ARHGEF9: variants seen among roughly 807,000 people sequenced by gnomAD.
ARHGEF9 encodes the protein rho guanine nucleotide exchange factor 9.
ARHGEF9 carries 2 observed loss-of-function variants against 41.3 expected under a neutral mutation model. That is an observed-to-expected ratio of 0.05 (90% CI 0.02 to 0.15). ARHGEF9 has a LOEUF of 0.15. Ranked by LOEUF, ARHGEF9 falls within the 10% of genes least tolerant of loss-of-function variation. ARHGEF9 has a pLI of 1.00. For synonymous variants in ARHGEF9, 160 were observed against 154.4 expected (o/e 1.04, Z -0.27); for missense variants, 225 against 424.7 (o/e 0.53, Z 4.13).
chrX:63,764,936 C>A (rs1377064913), intron 1 of ARHGEF9, among the ~76,000 whole-genome samples: 1 of 111,256 alleles, frequency 9.0e-6, no homozygotes, highest in Non-Finnish European at 1.9e-5. Flanking sequence ...AACAAAGCTG[C>A]ACATCCTGCA....
intron 1 of ARHGEF9, among the ~76,000 whole-genome samples, chrX:63,751,801 A>G (rs2055652030): frequency 9.1e-6 from 1 of 110,345 alleles, no homozygotes; most frequent in East Asian, 2.9e-4. Flanking sequence ...CTTCATTCCT[A>G]CCACCACACC....
intron 4 of ARHGEF9, among the ~76,000 whole-genome samples, chrX:63,695,047 A>T (rs1466897956): frequency 7.1e-5 from 8 of 112,492 alleles, no homozygotes; most frequent in Non-Finnish European, 1.1e-4. Flanking sequence ...CTGCATTAAC[A>T]GATTAAAGGT....
At chrX:63,736,749 A>T (rs2054634544) in intron 1 of ARHGEF9, among the ~76,000 whole-genome samples, 2 of 112,121 alleles carry the variant, frequency 1.8e-5, no homozygotes, top group Non-Finnish European at 3.8e-5. Context: ...GAAATGACAG[A>T]TATGCTTCAC....
At chrX:63,755,165 C>T (rs2055886570) in intron 1 of ARHGEF9, 2 of 938,976 alleles carry the variant, frequency 2.1e-6, no homozygotes, top group East Asian at 8.3e-5. Context: ...CACCGAGCGA[C>T]TGCGGGCGCT....
chrX:63,723,869 T>C (rs2053792836), intron 2 of ARHGEF9, among the ~76,000 whole-genome samples: 1 of 112,296 alleles, frequency 8.9e-6, no homozygotes, highest in Admixed American at 9.4e-5. Flanking sequence ...TGGTACAATG[T>C]CAAAGAGGCA....
chrX:63,743,870 G>A (rs1556429995), intron 1 of ARHGEF9, among the ~76,000 whole-genome samples: 1 of 111,888 alleles, frequency 8.9e-6, no homozygotes, highest in Non-Finnish European at 1.9e-5. Context: ...GTGACTGCAT[G>A]GGAAATGGAG....
At chrX:63,677,716 T>G (rs1284568374) in intron 5 of ARHGEF9, among the ~76,000 whole-genome samples, 1 of 110,375 alleles carries the variant, frequency 9.1e-6, no homozygotes, top group Non-Finnish European at 1.9e-5. Context: ...GAAGCAGGAG[T>G]TCCAGTCACA....
At chrX:63,692,753 G>T (rs2051437989) in intron 4 of ARHGEF9, among the ~76,000 whole-genome samples, 1 of 111,956 alleles carries the variant, frequency 8.9e-6, no homozygotes, top group South Asian at 3.7e-4. Flanking sequence ...AGAGATATTT[G>T]CACTCCCTTG....
At chrX:63,776,796 T>C (rs1237643793) in intron 1 of ARHGEF9, among the ~76,000 whole-genome samples, 2 of 111,869 alleles carry the variant, frequency 1.8e-5, no homozygotes, top group African/African-American at 6.5e-5. Flanking sequence ...CTCCTACCTC[T>C]CACTTTCCCA....
At chrX:63,724,293 A>G (rs1405584288) in intron 2 of ARHGEF9, among the ~76,000 whole-genome samples, 6 of 111,808 alleles carry the variant, frequency 5.4e-5, no homozygotes, top group Non-Finnish European at 9.4e-5. Flanking sequence ...TGATTTGTAC[A>G]AAGGTGGGAG....
At chrX:63,653,085 T>C (rs1300910752) in intron 8 of ARHGEF9, among the ~76,000 whole-genome samples, 2 of 111,740 alleles carry the variant, frequency 1.8e-5, no homozygotes, top group East Asian at 5.6e-4. Context: ...CAGGTATTTA[T>C]AGCACTGTGA....
At chrX:63,703,017 C>T (rs2052289273) in intron 3 of ARHGEF9, among the ~76,000 whole-genome samples, 1 of 111,881 alleles carries the variant, frequency 8.9e-6, no homozygotes, top group Non-Finnish European at 1.9e-5. Flanking sequence ...TTCTGATAAA[C>T]CATTCGCTCC....
chrX:63,637,987 T>A lies in ARHGEF9; in HGVS notation c.*41A>T. 1 of 1,125,593 alleles carries A rather than the reference T, an allele frequency of 8.9e-7. No individual in the cohort carries two copies. Among genetic ancestry groups the A allele is most frequent in the Non-Finnish European group, 1.2e-6 (1 of 844,133 alleles). The allele number at this position is 1,125,593 out of a possible 1,213,427, so 92.8% of individuals were successfully genotyped here. ...AAAAGGTCCATCTATAAATATAATT[T>A]TATTTACTTTATTTTAAAATTATCT... On this transcript the variant is annotated 3_prime_UTR_variant, in exon 10 of 10. Coordinates refer to ENST00000671741, the MANE Select transcript of ARHGEF9 (RefSeq NM_001353921.2).
At chrX:63,641,118 G>A (rs1199424798) in intron 9 of ARHGEF9, 1 of 110,876 alleles carries the variant, frequency 9.0e-6, no homozygotes, top group Non-Finnish European at 1.9e-5. Context: ...TTGGGAGGAC[G>A]AGGCGAGGGG....
Position 63,721,590 on chromosome X carries a change from G to C in ARHGEF9, c.210+2942C>G, listed in dbSNP as rs2053636072. ...GGTTCATTTTGTGCACAGTGACAAAGGAAAAGAGCCTGAATGACTTGAAGT... is the reference window on the plus strand; with the variant it reads ...GGTTCATTTTGTGCACAGTGACAAACGAAAAGAGCCTGAATGACTTGAAGT... On this transcript the variant is annotated intron_variant, in intron 2 of 9. Transcript: ENST00000671741. Among the ~76,000 whole-genome samples, 4 of 110,515 alleles carry C rather than the reference G, an allele frequency of 3.6e-5. No individual in the cohort carries two copies. The South Asian group carries it at 1.6e-3, about 43-fold the overall frequency.
chrX:63,716,061 T>C (rs1362377561), intron 2 of ARHGEF9: 1 of 111,689 alleles, frequency 9.0e-6, no homozygotes, highest in African/African-American at 3.3e-5. Context: ...CTGAAGCAGG[T>C]GGATTGCTTG....
intron 1 of ARHGEF9, among the ~76,000 whole-genome samples, chrX:63,763,867 T>C (rs1218929820): frequency 5.4e-5 from 6 of 111,767 alleles, no homozygotes; most frequent in African/African-American, 1.6e-4. Flanking sequence ...GAGGGTGTGA[T>C]TATATGTGCC....
chrX:63,640,796 C>A (rs2047580636), intron 9 of ARHGEF9: 1 of 111,327 alleles, frequency 9.0e-6, no homozygotes, highest in African/African-American at 3.3e-5. Context: ...GCATTGGAGA[C>A]CTCTTAACAA....
intron 8 of ARHGEF9, among the ~76,000 whole-genome samples, chrX:63,653,786 T>C (rs1226317837): frequency 9.0e-6 from 1 of 111,024 alleles, no homozygotes; most frequent in Non-Finnish European, 1.9e-5. Flanking sequence ...GTTATAATGG[T>C]CATGCATTAA....
Sources: gnomAD v4.1 joint callset for allele counts (sites outside exome capture counted in the v4.1 genomes callset) on GRCh38, gnomAD v4.1.1 for gene constraint, MANE v1.5 for transcripts, NCBI Gene and HGNC (gene_info 2026-07-23, HGNC 2026-07-21) for gene names.